Variants in BNC2 observed in about 807,000 individuals in gnomAD.
BNC2 encodes basonuclin zinc finger protein 2, also known as zinc finger protein basonuclin-2.
BNC2 carries 20 observed loss-of-function variants against 76.3 expected under a neutral mutation model. That is an observed-to-expected ratio of 0.26 (90% CI 0.18 to 0.38). BNC2 has a LOEUF of 0.38. Ranked by LOEUF, BNC2 falls within the 10% of genes least tolerant of loss-of-function variation. The pLI, the probability that BNC2 is intolerant of heterozygous loss-of-function variation, is 1.00. For missense variants in BNC2, 1,382 were observed against 1,399.8 expected, an observed-to-expected ratio of 0.99 and a Z score of 0.20; for synonymous variants, 582 against 514.8, an observed-to-expected ratio of 1.13 and a Z score of -1.77.
chr9:16,753,681 C>A (rs973026846), intron 1 of BNC2, among the ~76,000 whole-genome samples: 1 of 152,152 alleles, frequency 6.6e-6, no homozygotes, highest in African/African-American at 2.4e-5. Flanking sequence ...AAAGCATATT[C>A]CAGGTATCAA....
chr9:16,844,825 C>T (rs956255397), intron 1 of BNC2, among the ~76,000 whole-genome samples: 3 of 152,082 alleles, frequency 2.0e-5, no homozygotes, highest in African/African-American at 7.2e-5. Context: ...AATAACTATC[C>T]AGTCATTTCT....
chr9:16,518,615 G>GT (rs1817515296), intron 5 of BNC2, among the ~76,000 whole-genome samples: 1 of 150,436 alleles, frequency 6.6e-6, no homozygotes, highest in South Asian at 2.1e-4. Context: ...TTTGTTTTTT[G>GT]TTTTTTGTTT....
chr9:16,666,628 C>A (rs990956135), intron 3 of BNC2, among the ~76,000 whole-genome samples: 1 of 152,220 alleles, frequency 6.6e-6, no homozygotes, highest in Non-Finnish European at 1.5e-5. Context: ...ATTACTGAGA[C>A]TCACTGGGTG....
chr9:16,553,143 C>A (rs924202440), intron 4 of BNC2, among the ~76,000 whole-genome samples: 3 of 152,148 alleles, frequency 2.0e-5, no homozygotes, highest in Non-Finnish European at 4.4e-5. Context: ...CCCCTACCCC[C>A]CACCAAAAAC....
intron 3 of BNC2, among the ~76,000 whole-genome samples, chr9:16,654,086 G>A (rs1288267791): frequency 3.3e-5 from 5 of 152,162 alleles, no homozygotes; most frequent in Non-Finnish European, 7.3e-5. Flanking sequence ...CAAAGGATCA[G>A]AGGGACAAAG....
chr9:16,683,130 G>C (rs1275315483), intron 3 of BNC2, among the ~76,000 whole-genome samples: 1 of 152,136 alleles, frequency 6.6e-6, no homozygotes, highest in Non-Finnish European at 1.5e-5. Context: ...AGTCAAATCA[G>C]GCACAGACTT....
chr9:16,526,665 T>C (rs1817813635), intron 5 of BNC2, among the ~76,000 whole-genome samples: 1 of 152,070 alleles, frequency 6.6e-6, no homozygotes, highest in African/African-American at 2.4e-5. Flanking sequence ...CAGTATACAG[T>C]AGACAATATA....
chr9:16,836,758 A>AC (rs1563964595), intron 1 of BNC2, among the ~76,000 whole-genome samples: 1 of 152,138 alleles, frequency 6.6e-6, no homozygotes, highest in Non-Finnish European at 1.5e-5. Context: ...ATCTAATAAT[A>AC]CTTTTTTTTT....
At chr9:16,666,661 C>A (rs1822300613) in intron 3 of BNC2, among the ~76,000 whole-genome samples, 1 of 152,216 alleles carries the variant, frequency 6.6e-6, no homozygotes, top group African/African-American at 2.4e-5. Context: ...AACACTTCAA[C>A]ACACATCCAG....
At chr9:16,580,004 A>C (rs2133008375) in intron 4 of BNC2, 1 of 397,970 alleles carries the variant, frequency 2.5e-6, no homozygotes. Context: ...TGTTCCATGC[A>C]TTTCAGAGGA....
chr9:16,585,129 T>C (rs571521597), intron 3 of BNC2, among the ~76,000 whole-genome samples: 110 of 152,278 alleles, frequency 7.2e-4, no homozygotes, highest in African/African-American at 2.4e-3. Context: ...AATTTTGTAT[T>C]GTCTTTAAAG....
At chr9:16,808,346 G>A (rs999259779) in intron 1 of BNC2, among the ~76,000 whole-genome samples, 5 of 151,942 alleles carry the variant, frequency 3.3e-5, no homozygotes, top group African/African-American at 1.2e-4. Flanking sequence ...AGAATCCTGT[G>A]CTATTCCCAT....
intron 5 of BNC2, among the ~76,000 whole-genome samples, chr9:16,504,768 G>A (rs1444936932): frequency 6.6e-6 from 1 of 152,152 alleles, no homozygotes; most frequent in East Asian, 1.9e-4. Context: ...GATCACTTGA[G>A]GCCAGCTGTT....
At chr9:16,527,235 G>A (rs1454489650) in intron 5 of BNC2, among the ~76,000 whole-genome samples, 11 of 152,166 alleles carry the variant, frequency 7.2e-5, no homozygotes. Context: ...TCACTAACCT[G>A]ATCAAACACA....
chr9:16,555,687 C>T (rs983134636), intron 4 of BNC2, among the ~76,000 whole-genome samples: 19 of 151,958 alleles, frequency 1.3e-4, no homozygotes, highest in African/African-American at 3.4e-4. Flanking sequence ...CCCAGCTACT[C>T]GGGATGCTGG....
At chr9:16,729,334 G>A (rs902399398) in intron 2 of BNC2, among the ~76,000 whole-genome samples, 6 of 152,046 alleles carry the variant, frequency 3.9e-5, no homozygotes, top group Admixed American at 1.3e-4. Context: ...TACAAATATC[G>A]AGGACAAATG....
At chr9:16,761,123 C>T (rs1391699331) in intron 1 of BNC2, among the ~76,000 whole-genome samples, 1 of 152,038 alleles carries the variant, frequency 6.6e-6, no homozygotes, top group Non-Finnish European at 1.5e-5. Context: ...TGGCACATGC[C>T]TGTGGTCCCA....
intron 3 of BNC2, among the ~76,000 whole-genome samples, chr9:16,691,155 T>C (rs1823148419): frequency 6.6e-6 from 1 of 152,172 alleles, no homozygotes; most frequent in Admixed American, 6.5e-5. Context: ...AATGCTAAAA[T>C]TACATAGAAT....
intron 1 of BNC2, among the ~76,000 whole-genome samples, chr9:16,836,121 G>A (rs927922926): frequency 1.3e-5 from 2 of 152,176 alleles, no homozygotes; most frequent in Non-Finnish European, 2.9e-5. Flanking sequence ...CTCACGCTAT[G>A]AATGTGCCTC....
Sources: allele counts gnomAD v4.1 joint callset (sites outside exome capture counted in the v4.1 genomes callset), GRCh38; gene constraint gnomAD v4.1.1; transcripts MANE v1.5; gene names NCBI Gene and HGNC (gene_info 2026-07-23, HGNC 2026-07-21).